Variants in ZNF721 observed in about 807,000 individuals in gnomAD.
ZNF721 encodes the protein zinc finger protein 721.
ZNF721 carries 2 observed loss-of-function variants against 2.4 expected under a neutral mutation model. The ratio of observed to expected loss-of-function variants is 0.82; its 90% confidence interval spans 0.34 to 2.58. The LOEUF (loss-of-function observed/expected upper bound fraction) is 2.58. ZNF721 is among the 30% of genes most tolerant of loss of function. The pLI, the probability that ZNF721 is intolerant of heterozygous loss-of-function variation, is 0.11. For synonymous variants in ZNF721, 398 were observed against 381.8 expected, an observed-to-expected ratio of 1.04 and a Z score of -0.50; for missense variants, 1,187 against 1,085.5, an observed-to-expected ratio of 1.09 and a Z score of -1.31.
In ZNF721 at chr4:457,325, A is replaced by G. The variant is rs368995353; in HGVS notation, c.35-12893T>C. On this transcript the variant is annotated intron_variant, in intron 2 of 2. Transcript: ENST00000511833. ...GTTATGTCCTGAAAAAAGGAACTTTATGGGAGCTTTGGAATCCATGTCAAG... is the reference window on the plus strand; with the variant it reads ...GTTATGTCCTGAAAAAAGGAACTTTGTGGGAGCTTTGGAATCCATGTCAAG... Among the ~76,000 whole-genome samples, 54 of 152,324 alleles carry G rather than the reference A, an allele frequency of 3.5e-4. No individual in the cohort carries two copies. The South Asian group carries it at 8.1e-3, about 23-fold the overall frequency.
At position 445,789 on chromosome 4, in the gene ZNF721, T is replaced by G. The variant is rs1348492818; in HGVS notation, c.35-1357A>C. On this transcript the variant is annotated intron_variant, in intron 2 of 2. Transcript: ENST00000511833. The stretch of plus-strand genomic sequence containing the variant: ...TTCAACTAGGATACACACACAGATT[T>G]ATCGCAAGGCACATATATATACATG... Among the ~76,000 whole-genome samples, 61 of 152,138 alleles carry G rather than the reference T, an allele frequency of 4.0e-4. 3 individuals carry two copies. Among genetic ancestry groups the G allele is most frequent in the Non-Finnish European group, 1.5e-5 (1 of 68,020 alleles).
At chr4:455,564 T>C (rs1387848265) in intron 2 of ZNF721, among the ~76,000 whole-genome samples, 2 of 151,104 alleles carry the variant, frequency 1.3e-5, no homozygotes, top group African/African-American at 4.9e-5. Context: ...AGACTCCATC[T>C]CAAAACAACC....
chr4:488,554 G>A (rs1353437872), intron 1 of ZNF721, among the ~76,000 whole-genome samples: 13 of 152,126 alleles, frequency 8.5e-5, no homozygotes, highest in South Asian at 2.1e-4. Flanking sequence ...AGAGGAAACC[G>A]GGCGCAGTAG....
At chr4:464,443 TGGGCTACAGAGC>T in intron 2 of ZNF721, among the ~76,000 whole-genome samples, 1 of 129,334 alleles carries the variant, frequency 7.7e-6, no homozygotes, top group Non-Finnish European at 1.5e-5. Flanking sequence ...CACTCCAGCC[TGGGCTACAGAGC>T]GAGACTCCAC....
chr4:474,027 C>G (rs781983979), intron 1 of ZNF721: 1 of 1,498,626 alleles, frequency 6.7e-7, no homozygotes, highest in Non-Finnish European at 9.0e-7. Context: ...TACGAATCAT[C>G]CAATACCCGC....
chr4:474,143 A>C (rs2108713921), intron 1 of ZNF721: 1 of 816,956 alleles, frequency 1.2e-6, no homozygotes, highest in Non-Finnish European at 1.8e-6. Flanking sequence ...CTGAAGCAAC[A>C]GGCCAAGGCC....
At chr4:454,155 T>TG (rs759258526) in intron 2 of ZNF721, 94 of 152,266 alleles carry the variant, frequency 6.2e-4, no homozygotes, top group Non-Finnish European at 1.1e-3. Flanking sequence ...TGCAGTCCCC[T>TG]GGGGGGGCCC....
intron 2 of ZNF721, among the ~76,000 whole-genome samples, chr4:444,977 G>T (rs1474552876): frequency 7.0e-6 from 1 of 142,698 alleles, no homozygotes; most frequent in African/African-American, 2.6e-5. Context: ...AGTGATGAGA[G>T]ACTTTTTTTT....
chr4:482,375 G>C (rs1440519276), intron 1 of ZNF721, among the ~76,000 whole-genome samples: 4 of 152,198 alleles, frequency 2.6e-5, no homozygotes, highest in Non-Finnish European at 1.5e-5. Context: ...ATGTTGGTCA[G>C]GCTGGCCTCA....
In ZNF721 at chr4:442,440, T is replaced by G; in HGVS notation, c.2027A>C (p.Lys676Thr). ...EQSYKCEECGKAFGWSIALNQ... is the reference protein window; with the variant it reads ...EQSYKCEECGTAFGWSIALNQ... ...CAGGGCTATGGACCATCCAAAGGCT[T>G]TGCCACACTCTTCACATTTGTAACT... Residue 676 changes from lysine (K) to threonine (T), a missense_variant, in exon 3 of 3, where the codon AAA becomes ACA. Lys to Thr is a moderately conservative substitution (Grantham distance 78). Transcript: ENST00000511833. 1 of 1,613,872 alleles carries G rather than the reference T, an allele frequency of 6.2e-7. No homozygotes were observed. The highest frequency in any genetic ancestry group is 1.3e-5 in the African/African-American group (1 of 74,998).
intron 2 of ZNF721, among the ~76,000 whole-genome samples, chr4:454,467 T>G (rs1553865203): frequency 3.3e-5 from 5 of 152,244 alleles, no homozygotes. Flanking sequence ...TAGATATGCT[T>G]ACCGCAGCCC....
chr4:494,183 CTT>C (rs1307037522), intron 1 of ZNF721, among the ~76,000 whole-genome samples: 18 of 141,576 alleles, frequency 1.3e-4, no homozygotes, highest in South Asian at 2.2e-4. Context: ...GGAAGTACAT[CTT>C]TTTTTTTTTT....
chr4:467,863 G>A (rs57503099), intron 2 of ZNF721, among the ~76,000 whole-genome samples: 8,832 of 152,288 alleles, frequency 0.058, 389 homozygotes, highest in African/African-American at 0.13. Flanking sequence ...GGGGCTGGGC[G>A]CGGTGGCTCA....
At chr4:452,669 G>A (rs1434858694) in intron 2 of ZNF721, among the ~76,000 whole-genome samples, 1 of 152,138 alleles carries the variant, frequency 6.6e-6, no homozygotes, top group Non-Finnish European at 1.5e-5. Flanking sequence ...AAACAAGGTG[G>A]GAAGAGGGTA....
intron 1 of ZNF721, among the ~76,000 whole-genome samples, chr4:483,818 T>C (rs1465591296): frequency 1.3e-5 from 2 of 150,726 alleles, no homozygotes; most frequent in Non-Finnish European, 2.9e-5. Flanking sequence ...AATGTTCATT[T>C]GTTTGTTTGT....
At chr4:484,362 G>A (rs1341337054) in intron 1 of ZNF721, among the ~76,000 whole-genome samples, 1 of 152,204 alleles carries the variant, frequency 6.6e-6, no homozygotes, top group Non-Finnish European at 1.5e-5. Context: ...TATGAAATGT[G>A]TGGCACCTTG....
At chr4:461,537 G>T (rs1260208759) in intron 2 of ZNF721, among the ~76,000 whole-genome samples, 1 of 152,134 alleles carries the variant, frequency 6.6e-6, no homozygotes, top group Admixed American at 6.6e-5. Flanking sequence ...TTTGAAAACT[G>T]GGACAAGACA....
chr4:491,745 G>A (rs548797876), intron 1 of ZNF721, among the ~76,000 whole-genome samples: 3 of 152,316 alleles, frequency 2.0e-5, no homozygotes, highest in Admixed American at 2.0e-4. Context: ...TTGTGTTTAA[G>A]ATTTAGCAGG....
In ZNF721 at chr4:443,631, C is replaced by T. The variant is rs782589467; in HGVS notation, c.836G>A (p.Cys279Tyr). Residue 279 changes from cysteine to tyrosine, a missense_variant, in exon 3 of 3, where the codon TGT becomes TAT. By Grantham distance (194) the Cys-to-Tyr change is radical (BLOSUM62 -2). Transcript: ENST00000511833. ...ATTAAAGGCTTTACCACATTCTAAA[C>T]ATTTAAAGGGTTTCTCGCCAGTATG... ...RIHTGEKPFKCLECGKAFNIS... is the reference protein window; with the variant it reads ...RIHTGEKPFKYLECGKAFNIS... 2 of 1,613,970 alleles carry T rather than the reference C, an allele frequency of 1.2e-6. No individual in the cohort carries two copies. The highest frequency in any genetic ancestry group is 1.7e-5 in the Admixed American group (1 of 60,016).
Sources: gnomAD v4.1 joint callset for allele counts (sites outside exome capture counted in the v4.1 genomes callset) on GRCh38, gnomAD v4.1.1 for gene constraint, MANE v1.5 for transcripts, NCBI Gene and HGNC (gene_info 2026-07-23, HGNC 2026-07-21) for gene names.